Variants in NKAIN3 observed in about 807,000 individuals in gnomAD.
The protein encoded by NKAIN3 is sodium/potassium-transporting ATPase subunit beta-1-interacting protein 3.
A neutral mutation model predicts 30.2 loss-of-function variants in NKAIN3; 25 were observed. The observed-to-expected ratio is 0.83, with a 90% CI of 0.60 to 1.16. NKAIN3 has a LOEUF of 1.16. Among genes scored for constraint, NKAIN3 ranks in the 50% most tolerant of loss-of-function variants. The probability of loss-of-function intolerance (pLI) is 0.00; values close to 1 mark genes in which losing one functional copy is unlikely to be tolerated. For missense variants in NKAIN3, 225 were observed against 254.1 expected, an observed-to-expected ratio of 0.89 and a Z score of 0.78; for synonymous variants, 91 against 89.6, an observed-to-expected ratio of 1.02 and a Z score of -0.09.
intron 3 of NKAIN3, among the ~76,000 whole-genome samples, chr8:62,626,495 G>A (rs1320325942): frequency 1.3e-5 from 2 of 152,074 alleles, no homozygotes; most frequent in East Asian, 1.9e-4. Context: ...TATTCCAGAA[G>A]TCCTATTCAG....
chr8:62,740,144 A>G (rs761762981), intron 3 of NKAIN3, among the ~76,000 whole-genome samples: 1 of 152,206 alleles, frequency 6.6e-6, no homozygotes, highest in Middle Eastern at 3.2e-3. Flanking sequence ...TGAAATATTT[A>G]GTGTTTCAGG....
At chr8:62,503,531 C>G (rs1807527989) in intron 1 of NKAIN3, among the ~76,000 whole-genome samples, 1 of 152,138 alleles carries the variant, frequency 6.6e-6, no homozygotes, top group Non-Finnish European at 1.5e-5. Flanking sequence ...GTTTCCCAAT[C>G]CTGGTAAGCC....
At chr8:62,719,085 T>C (rs1586125342) in intron 3 of NKAIN3, among the ~76,000 whole-genome samples, 1 of 152,230 alleles carries the variant, frequency 6.6e-6, no homozygotes, top group East Asian at 1.9e-4. Flanking sequence ...GTTGTGCCAA[T>C]GGTGGTTTCT....
In NKAIN3 at chr8:62,981,885, T is replaced by G. The variant is rs1329395285; in HGVS notation, c.*16478T>G. ...AAGAAAGAAAAACTCTTTAACCCTTTGTTTAAATCCTATTAACTCTTAACG... is the reference window on the plus strand; with the variant it reads ...AAGAAAGAAAAACTCTTTAACCCTTGGTTTAAATCCTATTAACTCTTAACG... On this transcript the variant is annotated 3_prime_UTR_variant, in exon 7 of 7. Transcript: ENST00000623646. The G allele has an allele frequency of 6.6e-6, 1 of 152,174 alleles. No homozygotes were observed. The highest frequency in any genetic ancestry group is 1.5e-5 in the Non-Finnish European group (1 of 68,018). The allele number at this position is 152,174 out of a possible 1,614,324, so 9.4% of individuals were successfully genotyped here. A position where few individuals can be genotyped will look rare whatever the true frequency, so the allele number is the denominator to read the frequency against.
At chr8:62,597,705 T>A (rs1052359654) in intron 3 of NKAIN3, among the ~76,000 whole-genome samples, 8 of 152,036 alleles carry the variant, frequency 5.3e-5, no homozygotes, top group African/African-American at 1.9e-4. Flanking sequence ...TAGAATATCA[T>A]CATTTTCGGC....
In NKAIN3 at chr8:62,797,569, G is replaced by C. The variant is rs142332161; in HGVS notation, c.471+50440G>C. Among the ~76,000 whole-genome samples, 833 of 152,218 alleles carry C rather than the reference G, an allele frequency of 5.5e-3. 7 individuals are homozygous for C. The highest frequency in any genetic ancestry group is 0.019 in the African/African-American group (799 of 41,534). ...CAGGGCCTTACTTATTTTTTCTCAT[G>C]TCTGGCAGAGAGTCTCATATATGGT... On this transcript the variant is annotated intron_variant, in intron 4 of 6. Transcript: ENST00000623646.
intron 1 of NKAIN3, among the ~76,000 whole-genome samples, chr8:62,275,762 C>T (rs866086946): frequency 1.3e-5 from 2 of 152,072 alleles, no homozygotes; most frequent in African/African-American, 4.8e-5. Flanking sequence ...AAATTATTTG[C>T]ATATTACCAT....
At chr8:62,783,812 C>A (rs1288708739) in intron 4 of NKAIN3, among the ~76,000 whole-genome samples, 2 of 151,586 alleles carry the variant, frequency 1.3e-5, no homozygotes, top group Non-Finnish European at 2.9e-5. Flanking sequence ...TTTGTGGAGA[C>A]CTGTATTTTG....
At chr8:62,332,640 G>A (rs1336793562) in intron 1 of NKAIN3, among the ~76,000 whole-genome samples, 1 of 152,088 alleles carries the variant, frequency 6.6e-6, no homozygotes, top group Non-Finnish European at 1.5e-5. Flanking sequence ...ACCTGTGAAT[G>A]AGCTGTGATG....
chr8:62,293,627 T>G (rs941679548), intron 1 of NKAIN3, among the ~76,000 whole-genome samples: 2 of 152,200 alleles, frequency 1.3e-5, no homozygotes, highest in Non-Finnish European at 2.9e-5. Context: ...CCCAGCTGTA[T>G]GAGGTGTCAG....
chr8:62,717,265 T>C (rs1814937253), intron 3 of NKAIN3, among the ~76,000 whole-genome samples: 1 of 152,214 alleles, frequency 6.6e-6, no homozygotes. Flanking sequence ...TAAAGTATTC[T>C]TTAATATTTT....
chr8:62,300,427 T>G (rs1814006853), intron 1 of NKAIN3, among the ~76,000 whole-genome samples: 1 of 152,090 alleles, frequency 6.6e-6, no homozygotes. Flanking sequence ...GTTTATCTAC[T>G]CAAAGGGAAA....
At position 62,975,845 on chromosome 8, in the gene NKAIN3, C is replaced by G. The variant is rs187160621; in HGVS notation, c.*10438C>G. The stretch of plus-strand genomic sequence containing the variant: ...GTCTATAAATTTCCTTCTAAGCACT[C>G]CCTCTAAGCTCTATCCCAGAGATTC... On this transcript the variant is annotated 3_prime_UTR_variant, in exon 7 of 7. Transcript: ENST00000623646. 7.5e-4 allele frequency among the ~76,000 whole-genome samples: 114 copies of G among 152,270 alleles called. 1 individual carries two copies. Among genetic ancestry groups the G allele is most frequent in the African/African-American group, 2.7e-3 (111 of 41,574 alleles).
intron 1 of NKAIN3, among the ~76,000 whole-genome samples, chr8:62,278,225 A>C (rs2129395298): frequency 6.6e-6 from 1 of 152,242 alleles, no homozygotes; most frequent in African/African-American, 2.4e-5. Flanking sequence ...CTCCCTGAGA[A>C]GTCCTAAGGC....
chr8:62,765,348 G>A (rs1212577812), intron 4 of NKAIN3, among the ~76,000 whole-genome samples: 2 of 151,694 alleles, frequency 1.3e-5, no homozygotes, highest in Non-Finnish European at 2.9e-5. Context: ...GCATGAGTGT[G>A]CAAATCATAG....
At chr8:62,255,455 C>A (rs998610809) in intron 1 of NKAIN3, among the ~76,000 whole-genome samples, 4 of 152,112 alleles carry the variant, frequency 2.6e-5, no homozygotes, top group African/African-American at 9.7e-5. Flanking sequence ...GTAGGCCCAG[C>A]TGACACCTGG....
chr8:62,762,226 G>A (rs952444128), intron 4 of NKAIN3, among the ~76,000 whole-genome samples: 1 of 151,912 alleles, frequency 6.6e-6, no homozygotes, highest in Non-Finnish European at 1.5e-5. Flanking sequence ...TGAGGCAGAA[G>A]AATAGCTGGA....
chr8:62,770,016 T>C (rs1816965232), intron 4 of NKAIN3, among the ~76,000 whole-genome samples: 2 of 152,212 alleles, frequency 1.3e-5, no homozygotes, highest in African/African-American at 2.4e-5. Flanking sequence ...TGGGATTTGC[T>C]TCTAACTAAT....
chr8:62,347,390 A>T (rs1354862884), intron 1 of NKAIN3, among the ~76,000 whole-genome samples: 1 of 152,164 alleles, frequency 6.6e-6, no homozygotes, highest in Admixed American at 6.6e-5. Flanking sequence ...TTTAAAGAAA[A>T]AGATATCAGA....
Sources: allele counts gnomAD v4.1 joint callset (sites outside exome capture counted in the v4.1 genomes callset), GRCh38; gene constraint gnomAD v4.1.1; transcripts MANE v1.5; gene names NCBI Gene and HGNC (gene_info 2026-07-23, HGNC 2026-07-21).